Variants in PCDHA3 observed in about 807,000 individuals in gnomAD.
PCDHA3 encodes the protein protocadherin alpha 3.
PCDHA3 carries 41 observed loss-of-function variants against 62.2 expected under a neutral mutation model. That is an observed-to-expected ratio of 0.66 (90% confidence interval 0.51 to 0.86). The LOEUF (loss-of-function observed/expected upper bound fraction) is 0.86. Among genes scored for constraint, PCDHA3 ranks in the 40% least tolerant of loss-of-function variants. The pLI is 0.00. For missense variants in PCDHA3, 1,304 were observed against 1,241.2 expected (o/e 1.05, Z -0.76); for synonymous variants, 640 against 555.4 (o/e 1.15, Z -2.14).
chr5:140,975,840 A>G (rs1387222678), intron 1 of PCDHA3, among the ~76,000 whole-genome samples: 2 of 152,202 alleles, frequency 1.3e-5, no homozygotes, highest in African/African-American at 2.4e-5. Context: ...CTTATTCTTC[A>G]GTAATACTAC....
intron 1 of PCDHA3, chr5:140,870,784 G>A: frequency 6.2e-7 from 1 of 1,613,574 alleles, no homozygotes; most frequent in South Asian, 1.1e-5. Context: ...GAACGACAAC[G>A]CGCCGGCACT....
chr5:140,833,206 T>C (rs1215291957), intron 1 of PCDHA3, among the ~76,000 whole-genome samples: 2 of 151,926 alleles, frequency 1.3e-5, no homozygotes, highest in African/African-American at 4.8e-5. Context: ...GAGAATGAAA[T>C]AGGAATGGAC....
intron 3 of PCDHA3, among the ~76,000 whole-genome samples, chr5:140,998,365 A>G (rs1434602564): frequency 6.6e-6 from 1 of 152,142 alleles, no homozygotes; most frequent in African/African-American, 2.4e-5. Context: ...ACCACTGCAC[A>G]CACCGTCTCT....
Position 140,875,145 on chromosome 5 carries a change from T to A in PCDHA3, c.2394+71554T>A, listed in dbSNP as rs191347942. On this transcript the variant is annotated intron_variant, in intron 1 of 3. Coordinates refer to ENST00000522353, the MANE Select transcript of PCDHA3 (RefSeq NM_018906.3). ...TAACTAAACCCGCATTTATAAATGA[T>A]CCGTGAAAAATAACCCAAAGTCGAA... Among the ~76,000 whole-genome samples the A allele has an allele frequency of 3.1e-3, 468 of 152,306 alleles. 3 individuals are homozygous for A. The highest frequency in any genetic ancestry group is 0.014 in the Middle Eastern group (4 of 294).
At chr5:140,878,693 C>A (rs932928385) in intron 1 of PCDHA3, among the ~76,000 whole-genome samples, 6 of 152,254 alleles carry the variant, frequency 3.9e-5, no homozygotes, top group South Asian at 2.1e-4. Flanking sequence ...TCTTACATAC[C>A]CCAGCCTGGT....
At chr5:140,883,121 G>C in intron 1 of PCDHA3, 12 of 1,614,070 alleles carry the variant, frequency 7.4e-6, no homozygotes, top group Non-Finnish European at 1.0e-5. Context: ...TAGAAGGCCT[G>C]TATGGCCTGC....
At chr5:140,808,977 T>C (rs1554124934) in intron 1 of PCDHA3, 2 of 1,613,568 alleles carry the variant, frequency 1.2e-6, no homozygotes, top group South Asian at 2.2e-5. Flanking sequence ...GTGCGCGCGG[T>C]GGATGCTGAC....
chr5:140,928,288 C>T (rs541893248), intron 1 of PCDHA3: 37 of 1,614,156 alleles, frequency 2.3e-5, no homozygotes, highest in East Asian at 4.5e-5. Flanking sequence ...CTCTCTAGGC[C>T]GAGTGTTTGC....
chr5:140,884,654 T>C, intron 1 of PCDHA3: 1 of 1,602,858 alleles, frequency 6.2e-7, no homozygotes, highest in South Asian at 1.1e-5. Context: ...CTCAGAATGC[T>C]TGAAAGAGGT....
chr5:140,859,882 T>C (rs2046069596), intron 1 of PCDHA3: 1 of 152,016 alleles, frequency 6.6e-6, no homozygotes, highest in Admixed American at 6.6e-5. Context: ...CTCTGATATT[T>C]TGAAAAAAAA....
At chr5:140,920,989 A>C (rs1409702083) in intron 1 of PCDHA3, among the ~76,000 whole-genome samples, 1 of 151,756 alleles carries the variant, frequency 6.6e-6, no homozygotes, top group Non-Finnish European at 1.5e-5. Context: ...GTATTTGCTT[A>C]TTTTTTCAGA....
intron 1 of PCDHA3, among the ~76,000 whole-genome samples, chr5:140,904,512 C>T (rs1251570223): frequency 5.9e-5 from 9 of 151,738 alleles, no homozygotes; most frequent in Admixed American, 3.3e-4. Flanking sequence ...GTGAATTGTG[C>T]TGCTATAAAC....
chr5:140,912,235 C>G (rs562096532), intron 1 of PCDHA3, among the ~76,000 whole-genome samples: 2 of 151,858 alleles, frequency 1.3e-5, no homozygotes, highest in South Asian at 4.2e-4. Context: ...TCCACTGACT[C>G]AAATGTTAAT....
At chr5:140,826,319 GT>G (rs1554130524) in intron 1 of PCDHA3, among the ~76,000 whole-genome samples, 1 of 147,564 alleles carries the variant, frequency 6.8e-6, no homozygotes, top group African/African-American at 2.7e-5. Context: ...TTTGGGGATT[GT>G]TTTTGGTTAA....
intron 1 of PCDHA3, chr5:140,843,282 A>T (rs2150356425): frequency 6.3e-6 from 10 of 1,595,910 alleles, no homozygotes; most frequent in Non-Finnish European, 7.7e-6. Context: ...GTGAAGGATC[A>T]TGGTGAACCT....
chr5:140,823,733 A>T (rs2150128573), intron 1 of PCDHA3: 19 of 1,613,748 alleles, frequency 1.2e-5, no homozygotes, highest in Non-Finnish European at 1.6e-5. Flanking sequence ...GTGAAGGACC[A>T]TGGAGAGCCC....
At chr5:140,883,519 CG>C in intron 1 of PCDHA3, 1 of 1,614,190 alleles carries the variant, frequency 6.2e-7, no homozygotes, top group African/African-American at 1.3e-5. Flanking sequence ...ACCGCGAGAG[CG>C]TATCAGCCTA....
At chr5:140,893,548 C>T (rs2064047739) in intron 1 of PCDHA3, among the ~76,000 whole-genome samples, 1 of 152,126 alleles carries the variant, frequency 6.6e-6, no homozygotes, top group Non-Finnish European at 1.5e-5. Flanking sequence ...TAGGACTTAT[C>T]TAGTTGTAGT....
intron 1 of PCDHA3, among the ~76,000 whole-genome samples, chr5:140,880,962 A>G (rs1439455519): frequency 6.6e-6 from 1 of 152,224 alleles, no homozygotes; most frequent in Non-Finnish European, 1.5e-5. Context: ...GATGAGGGTA[A>G]GAGAATACCA....
Sources: gnomAD v4.1 joint callset for allele counts (sites outside exome capture counted in the v4.1 genomes callset) on GRCh38, gnomAD v4.1.1 for gene constraint, MANE v1.5 for transcripts, NCBI Gene and HGNC (gene_info 2026-07-23, HGNC 2026-07-21) for gene names.